The following SKOR1 variants were observed in gnomAD, a reference collection of about 807,000 sequenced individuals.
SKOR1 encodes the protein LBX1 corepressor 1.
A neutral mutation model predicts 72.4 loss-of-function variants in SKOR1; 38 were observed. That is an observed-to-expected ratio of 0.52 (90% CI 0.40 to 0.69). The LOEUF is 0.69. SKOR1 is among the 30% of genes least tolerant of loss of function. The probability of loss-of-function intolerance (pLI) is 0.00; values close to 1 mark genes in which losing one functional copy is unlikely to be tolerated. For missense variants in SKOR1, 1,320 were observed against 1,343.2 expected, an observed-to-expected ratio of 0.98 and a Z score of 0.27; for synonymous variants, 642 against 599.4, an observed-to-expected ratio of 1.07 and a Z score of -1.04.
At position 67,828,079 on chromosome 15, in the gene SKOR1, AGCGGCG is replaced by A. The variant is rs756238272; in HGVS notation, c.2260_2265del (p.Gly754_Gly755del). ...GCGGAGACCTGAGAGGAGCCCGCCA[AGCGGCG>A]GCGGCGGCTACGAGCTGCGAGAGCC... On this transcript the variant is annotated inframe_deletion, in exon 2 of 9. Transcript: ENST00000380035. 1 of 1,525,186 alleles carries A rather than the reference AGCGGCG, an allele frequency of 6.6e-7. No individual in the cohort carries two copies. The highest frequency in any genetic ancestry group is 8.8e-7 in the Non-Finnish European group (1 of 1,140,956). 94.5% of individuals were successfully genotyped at this position (1,525,186 alleles called of 1,614,324 possible). A position where few individuals can be genotyped will look rare whatever the true frequency, so the allele number is the denominator to read the frequency against.
chr15:67,832,973 C>T lies in SKOR1; in HGVS notation c.2738-219C>T, dbSNP rs2091020084. ...ACCTGGGAAGTAATGCCTAAGTTTG[C>T]TTTAATTTTGGTTAGATCCATCTGC... On this transcript the variant is annotated intron_variant, in intron 7 of 8. Coordinates refer to ENST00000380035, the MANE Select transcript of SKOR1 (RefSeq NM_001365915.1). The surrounding 1 kb of genome is among the most constrained non-coding windows in gnomAD (Gnocchi z 4.5). 1.2e-5 allele frequency: 7 copies of T among 604,496 alleles called. No homozygotes were observed. Among genetic ancestry groups the T allele is most frequent in the South Asian group, 1.0e-4 (5 of 49,216 alleles). 37.4% of individuals were successfully genotyped at this position (604,496 alleles called of 1,614,324 possible).
At chr15:67,831,573 T>TCTA (rs2091007786) in intron 5 of SKOR1, among the ~76,000 whole-genome samples, 1 of 152,128 alleles carries the variant, frequency 6.6e-6, no homozygotes, top group African/African-American at 2.4e-5. Context: ...AGTTGCCACA[T>TCTA]CTATCCCTCT....
Position 67,827,973 on chromosome 15 carries a change from C to A in SKOR1, c.2145C>A (p.Gly715=). The part of the protein sequence containing the change: ...ADGPANSPDG[G]SPRPRRRLGP... The stretch of plus-strand genomic sequence containing the variant: ...GTCCCGCAAACTCTCCCGACGGCGG[C>A]AGCCCCCGCCCCCGGCGCCGCCTCG... The change falls in exon 2 of 9, where the codon GGC becomes GGA. Residue 715 remains glycine, a synonymous_variant. Transcript: ENST00000380035. 1 of 1,541,256 alleles carries A rather than the reference C, an allele frequency of 6.5e-7. No homozygotes were observed. Among genetic ancestry groups the A allele is most frequent in the Non-Finnish European group, 8.7e-7 (1 of 1,145,962 alleles).
In SKOR1 at chr15:67,834,118, T is replaced by C. The variant is rs993525233; in HGVS notation, c.*282T>C. 4 of 497,478 alleles carry C rather than the reference T, an allele frequency of 8.0e-6. No homozygotes were observed. Among genetic ancestry groups the C allele is most frequent in the African/African-American group, 3.9e-5 (2 of 51,418 alleles). The allele number at this position is 497,478 out of a possible 1,614,324, so 30.8% of individuals were successfully genotyped here. The stretch of plus-strand genomic sequence containing the variant: ...GGGCATCGGACCTCAAGGGGTTAAC[T>C]GGACAGACGGGGGGCGGGAGGGGAG... On this transcript the variant is annotated 3_prime_UTR_variant, in exon 9 of 9. Coordinates refer to ENST00000380035, the MANE Select transcript of SKOR1 (RefSeq NM_001365915.1). This position sits in a 1 kb window ranked among gnomAD's most constrained non-coding sequence, Gnocchi z 5.8.
chr15:67,831,751 C>A (rs984360288), intron 5 of SKOR1, among the ~76,000 whole-genome samples: 2 of 152,124 alleles, frequency 1.3e-5, no homozygotes, highest in African/African-American at 4.8e-5. Context: ...TTCAAAATCA[C>A]TGGTGCTTTA....
At position 67,833,215 on chromosome 15, in the gene SKOR1, CAGGA is replaced by C; in HGVS notation, c.2762_2765del (p.Gln921ArgfsTer12). 6.2e-7 allele frequency: 1 copy of C among 1,614,120 alleles called. No individual in the cohort carries two copies. Among genetic ancestry groups the C allele is most frequent in the Non-Finnish European group, 8.5e-7 (1 of 1,180,024 alleles). ...AGATACCCTGTGTAACGAACTCGAC[CAGGA>C]GCGGAAGGCGCGCTATGCCATCCAG... On this transcript the variant is annotated frameshift_variant, in exon 8 of 9. Coordinates refer to ENST00000380035, the MANE Select transcript of SKOR1 (RefSeq NM_001365915.1). LOFTEE classifies it high-confidence loss of function. The surrounding 1 kb of genome is among the most constrained non-coding windows in gnomAD (Gnocchi z 6.0).
In SKOR1 at chr15:67,827,587, C is replaced by G. The variant is rs1222409046; in HGVS notation, c.1759C>G (p.Arg587Gly). ...PLPPPPPPPA[R>G]KGSYVSAFRP... Reference sequence around the variant, plus strand: ...GCCCCCGCCGCCCCCGCCGCCCGCACGCAAAGGCTCCTACGTGTCGGCCTT... The same window carrying G: ...GCCCCCGCCGCCCCCGCCGCCCGCAGGCAAAGGCTCCTACGTGTCGGCCTT... Residue 587 changes from arginine (R) to glycine (G), a missense_variant, in exon 2 of 9, where the codon CGC becomes GGC. Arg to Gly is a moderately radical substitution (Grantham distance 125). Around this residue, in one of 3 missense-constraint regions of SKOR1, gnomAD observed 1,099 missense variants for 1,025.5 expected, o/e 1.07. Coordinates refer to ENST00000380035, the MANE Select transcript of SKOR1 (RefSeq NM_001365915.1). 6.6e-7 allele frequency: 1 copy of G among 1,523,590 alleles called. No individual in the cohort carries two copies. Among genetic ancestry groups the G allele is most frequent in the Non-Finnish European group, 8.8e-7 (1 of 1,142,578 alleles). 94.4% of individuals were successfully genotyped at this position (1,523,590 alleles called of 1,614,324 possible). A position where few individuals can be genotyped will look rare whatever the true frequency, so the allele number is the denominator to read the frequency against.
chr15:67,828,906 G>T (rs1218127020), intron 2 of SKOR1, among the ~76,000 whole-genome samples: 1 of 152,236 alleles, frequency 6.6e-6, no homozygotes, highest in Non-Finnish European at 1.5e-5. Context: ...CTAAAAGGAG[G>T]CGGGTGCAGA....
rs1034476712 is a variant in SKOR1 at position 67,833,923 on chromosome 15, G to T, written c.*87G>T. ...TGCGGTGGCCCTGAGCGAGGAACAAGCCATTCGGACCCGACCGATGTAAAT... is the reference window on the plus strand; with the variant it reads ...TGCGGTGGCCCTGAGCGAGGAACAATCCATTCGGACCCGACCGATGTAAAT... On this transcript the variant is annotated 3_prime_UTR_variant, in exon 9 of 9. Coordinates refer to ENST00000380035, the MANE Select transcript of SKOR1 (RefSeq NM_001365915.1). The surrounding 1 kb of genome is among the most constrained non-coding windows in gnomAD (Gnocchi z 6.0). The T allele has an allele frequency of 4.9e-6, 7 of 1,421,122 alleles. No individual in the cohort carries two copies. 88.0% of individuals were successfully genotyped at this position (1,421,122 alleles called of 1,614,324 possible). A position where few individuals can be genotyped will look rare whatever the true frequency, so the allele number is the denominator to read the frequency against.
In SKOR1 at chr15:67,827,662, G is replaced by T. The variant is rs1460430602; in HGVS notation, c.1834G>T (p.Ala612Ser). The T allele has an allele frequency of 2.0e-6, 3 of 1,531,306 alleles. No individual in the cohort carries two copies. Among genetic ancestry groups the T allele is most frequent in the Non-Finnish European group, 2.6e-6 (3 of 1,142,306 alleles). 94.9% of individuals were successfully genotyped at this position (1,531,306 alleles called of 1,614,324 possible). ...TESIAKLYGS[A>S]REAYGAGPAR... ...GAGCATCGCTAAGCTCTACGGGAGCGCCCGGGAGGCGTACGGCGCGGGGCC... is the reference window on the plus strand; with the variant it reads ...GAGCATCGCTAAGCTCTACGGGAGCTCCCGGGAGGCGTACGGCGCGGGGCC... Residue 612 changes from alanine (A) to serine (S), a missense_variant, in exon 2 of 9, where the codon GCC (alanine) becomes TCC (serine). Physicochemically the swap from Ala to Ser is moderately conservative, Grantham distance 99. This residue lies in a region of SKOR1 where 1,099 missense variants were observed against 1,025.5 expected (regional missense o/e 1.07). Transcript: ENST00000380035.
chr15:67,827,057 A>T lies in SKOR1; in HGVS notation c.1229A>T (p.Asp410Val). The change falls in exon 2 of 9, where the codon GAC becomes GTC. Residue 410 changes from aspartate (D) to valine (V), a missense_variant. Physicochemically the swap from Asp to Val is radical, Grantham distance 152. This residue lies in a region of SKOR1 where 1,099 missense variants were observed against 1,025.5 expected (regional missense o/e 1.07). Coordinates refer to ENST00000380035, the MANE Select transcript of SKOR1 (RefSeq NM_001365915.1). ...PTAFGLCPKKDDPVLGAGEPK... is the reference protein window; with the variant it reads ...PTAFGLCPKKVDPVLGAGEPK... ...GCCTTCGGCCTATGCCCCAAAAAGG[A>T]CGACCCGGTTTTAGGCGCGGGCGAG... The T allele has an allele frequency of 6.5e-7, 1 of 1,546,962 alleles. No homozygotes were observed. Among genetic ancestry groups the T allele is most frequent in the Admixed American group, 1.9e-5 (1 of 53,006 alleles).
In SKOR1 at chr15:67,825,740, C is replaced by T. The variant is rs1444650694; in HGVS notation, c.107+31C>T. The T allele has an allele frequency of 1.1e-6, 1 of 947,974 alleles. No homozygotes were observed. Among genetic ancestry groups the T allele is most frequent in the Admixed American group, 2.0e-5 (1 of 50,370 alleles). The allele number at this position is 947,974 out of a possible 1,614,324, so 58.7% of individuals were successfully genotyped here. On this transcript the variant is annotated intron_variant, in intron 1 of 8. Coordinates refer to ENST00000380035, the MANE Select transcript of SKOR1 (RefSeq NM_001365915.1). This position sits in a 1 kb window ranked among gnomAD's most constrained non-coding sequence, Gnocchi z 5.6. Reference sequence around the variant, plus strand: ...CTTTACCCCTTCTCCTCCCCCAAGCCCCGGGGGCTGTTGTTAACGGCGCCA... The same window carrying T: ...CTTTACCCCTTCTCCTCCCCCAAGCTCCGGGGGCTGTTGTTAACGGCGCCA...
chr15:67,827,449 C>A lies in SKOR1; in HGVS notation c.1621C>A (p.Pro541Thr). 6.6e-7 allele frequency: 1 copy of A among 1,522,834 alleles called. No individual in the cohort carries two copies. The highest frequency in any genetic ancestry group is 8.8e-7 in the Non-Finnish European group (1 of 1,142,066). 94.3% of individuals were successfully genotyped at this position (1,522,834 alleles called of 1,614,324 possible). Reference protein sequence around the residue: ...GAPEPLDGAEPAKESGLGAEE... With the variant: ...GAPEPLDGAETAKESGLGAEE... ...CCCAGAGCCCCTGGACGGTGCCGAGCCAGCCAAAGAGAGTGGCCTCGGCGC... is the reference window on the plus strand; with the variant it reads ...CCCAGAGCCCCTGGACGGTGCCGAGACAGCCAAAGAGAGTGGCCTCGGCGC... The change falls in exon 2 of 9, where the codon CCA becomes ACA. Residue 541 changes from proline to threonine, a missense_variant. By Grantham distance (38) the Pro-to-Thr change is conservative. Coordinates refer to ENST00000380035, the MANE Select transcript of SKOR1 (RefSeq NM_001365915.1).
In SKOR1 at chr15:67,825,678, A is replaced by T. The variant is rs1183354244; in HGVS notation, c.76A>T (p.Ile26Phe). The stretch of plus-strand genomic sequence containing the variant: ...ACTTCCTTCCCAATCCGAAAACGGG[A>T]TTGGGTTCCTTGCAGCCCGGGCATT... ...VSLPSQSENG[I>F]GFLAARAFLR... is the part of the protein sequence containing the mutation. The change falls in exon 1 of 9, where the codon ATT becomes TTT. Residue 26 changes from isoleucine (I) to phenylalanine (F), a missense_variant. Physicochemically the swap from Ile to Phe is conservative, Grantham distance 21. Coordinates refer to ENST00000380035, the MANE Select transcript of SKOR1 (RefSeq NM_001365915.1). The surrounding 1 kb of genome is among the most constrained non-coding windows in gnomAD (Gnocchi z 5.6). 4.1e-6 allele frequency: 3 copies of T among 728,940 alleles called. No homozygotes were observed. The Admixed American group carries it at 6.0e-5, about 15-fold the overall frequency. 45.2% of individuals were successfully genotyped at this position (728,940 alleles called of 1,614,324 possible). A position where few individuals can be genotyped will look rare whatever the true frequency, so the allele number is the denominator to read the frequency against.
At position 67,827,749 on chromosome 15, in the gene SKOR1, G is replaced by A; in HGVS notation, c.1921G>A (p.Glu641Lys). ...CTACGTGAGCCCGGACTTTCTGAGC[G>A]AGGGCAGCTCCAGCTACAATTCCGC... ...GGYVSPDFLSEGSSSYNSASP... is the reference protein window; with the variant it reads ...GGYVSPDFLSKGSSSYNSASP... The change falls in exon 2 of 9, where the codon GAG (glutamate) becomes AAG (lysine). Residue 641 changes from glutamate (E) to lysine (K), a missense_variant. Physicochemically the swap from Glu to Lys is moderately conservative, Grantham distance 56. Around this residue, in one of 3 missense-constraint regions of SKOR1, gnomAD observed 1,099 missense variants for 1,025.5 expected, o/e 1.07. Coordinates refer to ENST00000380035, the MANE Select transcript of SKOR1 (RefSeq NM_001365915.1). The A allele has an allele frequency of 6.5e-7, 1 of 1,550,246 alleles. No homozygotes were observed. Among genetic ancestry groups the A allele is most frequent in the East Asian group, 2.4e-5 (1 of 41,092 alleles).
chr15:67,828,513 CG>C (rs1458583832), intron 2 of SKOR1, among the ~76,000 whole-genome samples: 1 of 152,214 alleles, frequency 6.6e-6, no homozygotes, highest in African/African-American at 2.4e-5. Flanking sequence ...AGCGCTCGCC[CG>C]GGTGGGCATC....
chr15:67,833,268 C>T lies in SKOR1; in HGVS notation c.2803+11C>T. On this transcript the variant is annotated intron_variant, in intron 8 of 8. Coordinates refer to ENST00000380035, the MANE Select transcript of SKOR1 (RefSeq NM_001365915.1). The surrounding 1 kb of genome is among the most constrained non-coding windows in gnomAD (Gnocchi z 6.0). ...AGCAGAAATTGAAAGGTGCGGAAGC[C>T]GGGAAACAAAGATAGGAGGGGTGCT... The T allele has an allele frequency of 6.2e-7, 1 of 1,613,976 alleles. No homozygotes were observed. Among genetic ancestry groups the T allele is most frequent in the Non-Finnish European group, 8.5e-7 (1 of 1,179,978 alleles).
rs1414862300 is a variant in SKOR1 at position 67,833,281 on chromosome 15, T to C, written c.2803+24T>C. 1.2e-6 allele frequency: 2 copies of C among 1,613,080 alleles called. No homozygotes were observed. Among genetic ancestry groups the C allele is most frequent in the East Asian group, 2.2e-5 (1 of 44,870 alleles). On this transcript the variant is annotated intron_variant, in intron 8 of 8. Transcript: ENST00000380035. This position sits in a 1 kb window ranked among gnomAD's most constrained non-coding sequence, Gnocchi z 6.0. ...AGGTGCGGAAGCCGGGAAACAAAGA[T>C]AGGAGGGGTGCTGGGTGCCGGCCGT...
Position 67,834,114 on chromosome 15 carries a change from T to C in SKOR1, c.*278T>C. The C allele has an allele frequency of 2.0e-6, 1 of 510,232 alleles. No individual in the cohort carries two copies. The highest frequency in any genetic ancestry group is 3.5e-5 in the East Asian group (1 of 28,464). The allele number at this position is 510,232 out of a possible 1,614,324, so 31.6% of individuals were successfully genotyped here. ...TCTAGGGCATCGGACCTCAAGGGGTTAACTGGACAGACGGGGGGCGGGAGG... is the reference window on the plus strand; with the variant it reads ...TCTAGGGCATCGGACCTCAAGGGGTCAACTGGACAGACGGGGGGCGGGAGG... On this transcript the variant is annotated 3_prime_UTR_variant, in exon 9 of 9. Coordinates refer to ENST00000380035, the MANE Select transcript of SKOR1 (RefSeq NM_001365915.1). The surrounding 1 kb of genome is among the most constrained non-coding windows in gnomAD (Gnocchi z 5.8).
Sources: allele counts gnomAD v4.1 joint callset (sites outside exome capture counted in the v4.1 genomes callset), GRCh38; gene constraint gnomAD v4.1.1; regional missense constraint gnomAD v4.1.1; non-coding constraint Gnocchi (gnomAD v3.1); transcripts MANE v1.5; gene names NCBI Gene and HGNC (gene_info 2026-07-23, HGNC 2026-07-21).